Variants in MCTP2 observed in about 807,000 individuals in gnomAD.
MCTP2 encodes the protein multiple C2 and transmembrane domain containing 2, also known as multiple C2 and transmembrane domain-containing protein 2.
In MCTP2, 132 loss-of-function variants were observed where a neutral mutation model predicts 111.6. The observed-to-expected ratio is 1.18, with a 90% CI of 1.03 to 1.37. The LOEUF is 1.37. MCTP2 is among the 40% of genes most tolerant of loss of function. The pLI, the probability that MCTP2 is intolerant of heterozygous loss-of-function variation, is 0.00. For missense variants in MCTP2, 1,183 were observed against 1,067.9 expected (o/e 1.11, Z -1.50); for synonymous variants, 395 against 387.7 (o/e 1.02, Z -0.22).
chr15:94,420,934 A>G (rs1450405338), intron 17 of MCTP2, among the ~76,000 whole-genome samples: 1 of 152,162 alleles, frequency 6.6e-6, no homozygotes, highest in African/African-American at 2.4e-5. Context: ...GCAAGAGTCA[A>G]TTGATGTGAT....
chr15:94,307,930 A>T (rs1194072072), intron 2 of MCTP2, among the ~76,000 whole-genome samples: 1 of 151,996 alleles, frequency 6.6e-6, no homozygotes, highest in Non-Finnish European at 1.5e-5. Flanking sequence ...CTTCCCAAAC[A>T]CATAGGCTGT....
At chr15:94,354,923 T>C (rs889733263) in intron 8 of MCTP2, among the ~76,000 whole-genome samples, 1 of 152,192 alleles carries the variant, frequency 6.6e-6, no homozygotes, top group Non-Finnish European at 1.5e-5. Context: ...GAATATATAG[T>C]GTTAGAAATT....
intron 17 of MCTP2, among the ~76,000 whole-genome samples, chr15:94,437,705 G>A (rs1001154649): frequency 7.2e-5 from 11 of 151,982 alleles, no homozygotes; most frequent in Non-Finnish European, 1.0e-4. Context: ...TAAGAGACTT[G>A]CCCACTCAGA....
intron 1 of MCTP2, among the ~76,000 whole-genome samples, chr15:94,244,785 C>G (rs992425667): frequency 6.8e-6 from 1 of 146,558 alleles, no homozygotes; most frequent in Non-Finnish European, 1.5e-5. Flanking sequence ...TATACACATA[C>G]ATATGCACGT....
At chr15:94,264,805 G>A (rs2152287537) in intron 1 of MCTP2, among the ~76,000 whole-genome samples, 2 of 152,216 alleles carry the variant, frequency 1.3e-5, no homozygotes. Context: ...AGAAGGGGAG[G>A]AATTAGAGTA....
intron 9 of MCTP2, among the ~76,000 whole-genome samples, chr15:94,356,608 A>G (rs946123461): frequency 3.3e-5 from 5 of 152,180 alleles, no homozygotes; most frequent in Admixed American, 6.5e-5. Context: ...ATGTGGGAAA[A>G]GGATAAGTAA....
At chr15:94,300,592 A>T (rs972283679) in intron 2 of MCTP2, among the ~76,000 whole-genome samples, 1 of 152,104 alleles carries the variant, frequency 6.6e-6, no homozygotes, top group African/African-American at 2.4e-5. Flanking sequence ...GCAGTGTGAA[A>T]GTTGCTATTG....
intron 17 of MCTP2, among the ~76,000 whole-genome samples, chr15:94,420,787 T>C (rs774239945): frequency 6.6e-6 from 1 of 152,184 alleles, no homozygotes; most frequent in Non-Finnish European, 1.5e-5. Flanking sequence ...AAATAACAAA[T>C]GACTTAGAAT....
rs557993581 is a variant in MCTP2 at position 94,320,524 on chromosome 15, G to A, written c.637+4887G>A. Among the ~76,000 whole-genome samples the A allele has an allele frequency of 4.3e-4, 65 of 152,128 alleles. No individual in the cohort carries two copies. The South Asian group carries it at 5.8e-3, about 14-fold the overall frequency. Reference sequence around the variant, plus strand: ...TATTTTTAATAAATTTTAGTTCTTCGTTGAAGAAATCCAACTTCAGTGCTG... The same window carrying A: ...TATTTTTAATAAATTTTAGTTCTTCATTGAAGAAATCCAACTTCAGTGCTG... On this transcript the variant is annotated intron_variant, in intron 4 of 22. Transcript: ENST00000357742.
chr15:94,384,026 G>T lies in MCTP2; in HGVS notation c.1587G>T (p.Lys529Asn), dbSNP rs1432979258. The T allele has an allele frequency of 8.1e-6, 13 of 1,611,426 alleles. No individual in the cohort carries two copies. In the Admixed American group the frequency reaches 2.2e-4, roughly 27 times the overall value. ...ATGTGTATGTTATCTTTCCAGGGAA[G>T]AGTGACCCATTTTGCTTGTTGGAGT... ...ADLLAADFSG[K>N]SDPFCLLELG... The change falls in exon 13 of 23, where the codon AAG becomes AAT. Residue 529 changes from lysine (K) to asparagine (N), a missense_variant. Physicochemically the swap from Lys to Asn is moderately conservative, Grantham distance 94. Coordinates refer to ENST00000357742, the MANE Select transcript of MCTP2 (RefSeq NM_001385001.1).
Position 94,480,308 on chromosome 15 carries a change from TAGTG to T in MCTP2, c.*1278_*1281del, listed in dbSNP as rs1211787748. On this transcript the variant is annotated 3_prime_UTR_variant, in exon 23 of 23. Coordinates refer to ENST00000357742, the MANE Select transcript of MCTP2 (RefSeq NM_001385001.1). ...TTAAGGTTAAAAAGATCTCATTTAA[TAGTG>T]AGTTCACTATTTTTTTTTTTTTGTC... is the stretch of plus-strand genomic sequence containing the variant. The T allele has an allele frequency of 3.3e-5, 5 of 151,736 alleles. No homozygotes were observed. Among genetic ancestry groups the T allele is most frequent in the African/African-American group, 7.3e-5 (3 of 41,100 alleles). 9.4% of individuals were successfully genotyped at this position (151,736 alleles called of 1,614,324 possible).
intron 17 of MCTP2, among the ~76,000 whole-genome samples, chr15:94,434,999 G>T (rs954306654): frequency 6.6e-6 from 1 of 152,008 alleles, no homozygotes; most frequent in African/African-American, 2.4e-5. Flanking sequence ...GAGTAGCTGG[G>T]ATTACAGGCA....
At chr15:94,275,904 G>A (rs2074169561) in intron 1 of MCTP2, among the ~76,000 whole-genome samples, 1 of 145,160 alleles carries the variant, frequency 6.9e-6, no homozygotes, top group Admixed American at 7.0e-5. Context: ...CTGGAGTGTA[G>A]TGGCGCGGAT....
rs571449847 is a variant in MCTP2 at position 94,442,141 on chromosome 15, T to C, written c.2209-778T>C. Reference sequence around the variant, plus strand: ...TTGCAAGGTTAAGCAGAAATGCAAGTGTTCAAGCTGAAAATAGACCGTGTT... The same window carrying C: ...TTGCAAGGTTAAGCAGAAATGCAAGCGTTCAAGCTGAAAATAGACCGTGTT... On this transcript the variant is annotated intron_variant, in intron 18 of 22. Transcript: ENST00000357742. Among the ~76,000 whole-genome samples, 311 of 152,358 alleles carry C rather than the reference T, an allele frequency of 2.0e-3. 2 individuals are homozygous for C. The highest frequency in any genetic ancestry group is 2.5e-3 in the Non-Finnish European group (167 of 68,030).
intron 14 of MCTP2, among the ~76,000 whole-genome samples, chr15:94,393,616 C>G (rs1398407087): frequency 6.6e-6 from 1 of 151,978 alleles, no homozygotes; most frequent in African/African-American, 2.4e-5. Flanking sequence ...ACAAAAATCG[C>G]CATCAGATAT....
intron 17 of MCTP2, among the ~76,000 whole-genome samples, chr15:94,424,511 A>C (rs78774642): frequency 0.013 from 2,022 of 152,246 alleles, 45 homozygotes; most frequent in African/African-American, 0.045. Context: ...GATGGGACTT[A>C]GCAATCTTGT....
chr15:94,440,349 C>T (rs1366117237), intron 18 of MCTP2, 51 bp downstream of exon 18: 2 of 1,605,040 alleles, frequency 1.2e-6, no homozygotes, highest in African/African-American at 2.7e-5. Context: ...AATGTGTTAA[C>T]AACAAACTAC....
intron 8 of MCTP2, among the ~76,000 whole-genome samples, chr15:94,351,856 G>C (rs1388914861): frequency 6.6e-6 from 1 of 152,196 alleles, no homozygotes; most frequent in East Asian, 1.9e-4. Flanking sequence ...TGTGGCTCCA[G>C]CTCCTGACTT....
intron 1 of MCTP2, among the ~76,000 whole-genome samples, chr15:94,252,452 G>C (rs2072498081): frequency 6.6e-6 from 1 of 152,142 alleles, no homozygotes; most frequent in African/African-American, 2.4e-5. Context: ...AAAATTACCT[G>C]GCAGATCAAA....
Sources: gnomAD v4.1 joint callset for allele counts (sites outside exome capture counted in the v4.1 genomes callset) on GRCh38, gnomAD v4.1.1 for gene constraint, MANE v1.5 for transcripts, NCBI Gene and HGNC (gene_info 2026-07-23, HGNC 2026-07-21) for gene names.